The following RPTOR variants were observed in gnomAD, a reference collection of about 807,000 sequenced individuals.
The protein encoded by RPTOR is regulatory associated protein of MTOR complex 1, also known as regulatory-associated protein of mTOR.
Under a neutral mutation model 169.9 loss-of-function variants are expected in RPTOR, and 21 were observed. That is an observed-to-expected ratio of 0.12 (90% CI 0.09 to 0.18). RPTOR has a LOEUF of 0.18. RPTOR is among the 10% of genes least tolerant of loss of function. RPTOR has a pLI of 1.00. For missense variants in RPTOR, 1,133 were observed against 1,855.9 expected, an observed-to-expected ratio of 0.61 and a Z score of 7.16; for synonymous variants, 732 against 753.2, an observed-to-expected ratio of 0.97 and a Z score of 0.46.
intron 20 of RPTOR, among the ~76,000 whole-genome samples, chr17:80,908,529 G>A (rs2063791): frequency 0.32 from 48,538 of 152,108 alleles, 7,897 homozygotes; most frequent in East Asian, 0.47. Context: ...CCTCCGATCC[G>A]CTGAGGCATT....
intron 1 of RPTOR, among the ~76,000 whole-genome samples, chr17:80,566,927 C>A: frequency 6.8e-6 from 1 of 147,280 alleles, no homozygotes; most frequent in African/African-American, 2.5e-5. Context: ...ACAGCAACAA[C>A]AAAATATTAC....
At chr17:80,705,865 C>T (rs1328359701) in intron 3 of RPTOR, among the ~76,000 whole-genome samples, 2 of 152,006 alleles carry the variant, frequency 1.3e-5, no homozygotes, top group Admixed American at 1.3e-4. Flanking sequence ...GAATGGTGTG[C>T]CCTCCTCAGG....
intron 3 of RPTOR, among the ~76,000 whole-genome samples, chr17:80,666,328 C>T (rs1476658990): frequency 1.3e-5 from 2 of 152,136 alleles, no homozygotes; most frequent in Non-Finnish European, 2.9e-5. Flanking sequence ...CCCTCTCCCT[C>T]GATCAAGCCT....
chr17:80,595,489 T>C (rs1429342069), intron 1 of RPTOR, among the ~76,000 whole-genome samples: 1 of 152,188 alleles, frequency 6.6e-6, no homozygotes. Flanking sequence ...GGGGTCTCGC[T>C]CATTCGCCCA....
chr17:80,681,513 G>A (rs1025092828), intron 3 of RPTOR, among the ~76,000 whole-genome samples: 3 of 152,108 alleles, frequency 2.0e-5, no homozygotes, highest in African/African-American at 7.2e-5. Flanking sequence ...AGGGAAGGCC[G>A]GTGGTGCGGT....
At position 80,957,768 on chromosome 17, in the gene RPTOR, G is replaced by C. The variant is rs768862581; in HGVS notation, c.3477+38G>C. The C allele has an allele frequency of 2.5e-6, 4 of 1,583,744 alleles. No homozygotes were observed. Among genetic ancestry groups the C allele is most frequent in the Non-Finnish European group, 3.5e-6 (4 of 1,152,968 alleles). The stretch of plus-strand genomic sequence containing the variant: ...GTGTCCCCCAAGCCCTGGGCCTGTG[G>C]GGCAGTGTGTGCAGGGCTGGTCCTC... On this transcript the variant is annotated intron_variant, in intron 29 of 33. Coordinates refer to ENST00000306801, the MANE Select transcript of RPTOR (RefSeq NM_020761.3). The surrounding 1 kb of genome is among the most constrained non-coding windows in gnomAD (Gnocchi z 4.6).
At chr17:80,616,303 T>TC (rs1177433014) in intron 1 of RPTOR, among the ~76,000 whole-genome samples, 1 of 101,064 alleles carries the variant, frequency 9.9e-6, no homozygotes. Flanking sequence ...AAAATCTTTT[T>TC]TTTTTTTTTT....
At chr17:80,556,904 C>T (rs981694028) in intron 1 of RPTOR, among the ~76,000 whole-genome samples, 8 of 151,844 alleles carry the variant, frequency 5.3e-5, no homozygotes, top group Non-Finnish European at 1.0e-4. Context: ...GACCAGCCTG[C>T]CCAACATGGC....
chr17:80,720,032 T>C (rs1056181313), intron 4 of RPTOR, among the ~76,000 whole-genome samples: 2 of 152,194 alleles, frequency 1.3e-5, no homozygotes, highest in Non-Finnish European at 2.9e-5. Flanking sequence ...CCGGGCACGG[T>C]GGCTCACGCC....
At chr17:80,929,771 A>AC (rs1183020995) in intron 24 of RPTOR, among the ~76,000 whole-genome samples, 1 of 152,190 alleles carries the variant, frequency 6.6e-6, no homozygotes, top group Non-Finnish European at 1.5e-5. Flanking sequence ...CCCTCCCAGC[A>AC]CTGGGGTTGC....
At chr17:80,862,577 G>A (rs1273917396) in intron 13 of RPTOR, among the ~76,000 whole-genome samples, 2 of 147,742 alleles carry the variant, frequency 1.4e-5, no homozygotes, top group Non-Finnish European at 3.0e-5. Flanking sequence ...CCGCCCCCTC[G>A]TGTTGCTGGT....
chr17:80,857,222 C>G (rs951197938), intron 12 of RPTOR, among the ~76,000 whole-genome samples: 8 of 152,396 alleles, frequency 5.2e-5, no homozygotes, highest in African/African-American at 1.7e-4. Flanking sequence ...ATGGCCAGAA[C>G]TGGGCGCCAG....
chr17:80,864,275 ACGG>A (rs2067955392), intron 13 of RPTOR, among the ~76,000 whole-genome samples: 2 of 139,946 alleles, frequency 1.4e-5, no homozygotes, highest in Non-Finnish European at 3.2e-5. Context: ...GGTGAGAATG[ACGG>A]CAGGTTTCTT....
intron 32 of RPTOR, 78 bp from the exon 33 acceptor site, chr17:80,962,850 C>T (rs1260528742): frequency 4.4e-5 from 70 of 1,591,632 alleles, no homozygotes; most frequent in Middle Eastern, 1.7e-4. Flanking sequence ...GGCCTGTCCC[C>T]GCGGTCTCGG....
chr17:80,786,814 G>A (rs1567910815), intron 6 of RPTOR, among the ~76,000 whole-genome samples: 1 of 152,228 alleles, frequency 6.6e-6, no homozygotes, highest in Non-Finnish European at 1.5e-5. Context: ...TACGGAGGCA[G>A]CCTTTAGGCG....
At chr17:80,626,790 T>G (rs2065398711) in intron 2 of RPTOR, among the ~76,000 whole-genome samples, 1 of 147,258 alleles carries the variant, frequency 6.8e-6, no homozygotes, top group African/African-American at 2.5e-5. Flanking sequence ...ATTATTATTA[T>G]TATTATTATT....
At chr17:80,883,508 C>G in intron 15 of RPTOR, 24 bp downstream of exon 15, 1 of 1,610,684 alleles carries the variant, frequency 6.2e-7, no homozygotes, top group Non-Finnish European at 8.5e-7. Context: ...CCACCCCCAG[C>G]CCCAGAGCTC....
At position 80,730,545 on chromosome 17, in the gene RPTOR, T is replaced by A; in HGVS notation, c.508-15T>A. 1 of 1,611,668 alleles carries A rather than the reference T, an allele frequency of 6.2e-7. No individual in the cohort carries two copies. The highest frequency in any genetic ancestry group is 8.5e-7 in the Non-Finnish European group (1 of 1,177,852). On this transcript the variant is annotated splice_polypyrimidine_tract_variant and intron_variant, in intron 4 of 33. Coordinates refer to ENST00000306801, the MANE Select transcript of RPTOR (RefSeq NM_020761.3). The surrounding 1 kb of genome is among the most constrained non-coding windows in gnomAD (Gnocchi z 4.2). The stretch of plus-strand genomic sequence containing the variant: ...GAGACGCACATGTAACGAGCGCACT[T>A]TGTGTGTTTTCTAGAACTACACGCA...
chr17:80,907,405 C>T (rs529613897), intron 20 of RPTOR, among the ~76,000 whole-genome samples: 7 of 152,374 alleles, frequency 4.6e-5, no homozygotes, highest in Admixed American at 6.5e-5. Context: ...TCCTGGTGCC[C>T]GCAGGCAGGG....
Sources: allele counts gnomAD v4.1 joint callset (sites outside exome capture counted in the v4.1 genomes callset), GRCh38; gene constraint gnomAD v4.1.1; non-coding constraint Gnocchi (gnomAD v3.1); transcripts MANE v1.5; gene names NCBI Gene and HGNC (gene_info 2026-07-23, HGNC 2026-07-21).